Variants in MYO5A observed in about 807,000 individuals in gnomAD.
MYO5A encodes the protein myosin VA, also known as unconventional myosin-Va.
MYO5A carries 98 observed loss-of-function variants against 249.7 expected under a neutral mutation model. That is an observed-to-expected ratio of 0.39 (90% CI 0.33 to 0.46). The LOEUF (loss-of-function observed/expected upper bound fraction) is 0.46, where lower values mean the gene tolerates loss of function less well. Ranked by LOEUF, MYO5A falls within the 20% of genes least tolerant of loss-of-function variation. MYO5A has a pLI of 0.98. For missense variants in MYO5A, 1,696 were observed against 2,308.8 expected, an observed-to-expected ratio of 0.73 and a Z score of 5.44; for synonymous variants, 778 against 810.6, an observed-to-expected ratio of 0.96 and a Z score of 0.68.
In MYO5A at chr15:52,425,933, T is replaced by C. The variant is rs1318642737; in HGVS notation, c.352A>G (p.Ile118Val). Residue 118 changes from isoleucine to valine, a missense_variant, in exon 4 of 42, where the codon ATT becomes GTT. By Grantham distance (29) the Ile-to-Val change is conservative. Around this residue, in one of 5 missense-constraint regions of MYO5A, gnomAD observed 197 missense variants for 320.3 expected, o/e 0.62. Coordinates refer to ENST00000399233, the MANE Select transcript of MYO5A (RefSeq NM_001382347.1). ...GCATTAATAATATCTTCTCCATAAA[T>C]AGGCAGCTGTTCATAGGGATTTATA... ...VAINPYEQLP[I>V]YGEDIINAYS... 4 of 1,612,922 alleles carry C rather than the reference T, an allele frequency of 2.5e-6. No individual in the cohort carries two copies. The highest frequency in any genetic ancestry group is 1.7e-5 in the Admixed American group (1 of 59,998).
rs765440836 is a variant in MYO5A, at chr15:52,314,114, A to T, written c.5490+9T>A. ...TTGGTGAATCAAAGAAGAAGATGGG[A>T]GCTCTTACCTGTATAGTACGAATGA... On this transcript the variant is annotated intron_variant, in intron 41 of 41. Transcript: ENST00000399233. 1 of 1,591,150 alleles carries T rather than the reference A, an allele frequency of 6.3e-7. No individual in the cohort carries two copies. Among genetic ancestry groups the T allele is most frequent in the East Asian group, 2.2e-5 (1 of 44,770 alleles).
At chr15:52,499,825 T>G (rs2077116436) in intron 1 of MYO5A, among the ~76,000 whole-genome samples, 1 of 152,204 alleles carries the variant, frequency 6.6e-6, no homozygotes. Flanking sequence ...AGACCTTGCT[T>G]TGAATTCTTT....
At chr15:52,470,842 G>A (rs2076449023) in intron 1 of MYO5A, among the ~76,000 whole-genome samples, 1 of 151,860 alleles carries the variant, frequency 6.6e-6, no homozygotes, top group Non-Finnish European at 1.5e-5. Context: ...GGCCAACATG[G>A]TGAAACCCCA....
At chr15:52,323,527 C>A in intron 36 of MYO5A, 83 bp from the exon 37 acceptor site, 1 of 932,946 alleles carries the variant, frequency 1.1e-6, no homozygotes, top group Non-Finnish European at 1.7e-6. Flanking sequence ...CCAAAAGACC[C>A]ATTTCTTTCA....
In MYO5A at chr15:52,307,346, C is replaced by T. The variant is rs567141928; in HGVS notation, c.*6350G>A. On this transcript the variant is annotated 3_prime_UTR_variant, in exon 42 of 42. Transcript: ENST00000399233. ...AGCTAGGAGAATACAGCATTAATGA[C>T]ACACATTTACTAAGCACAACAATGG... is the stretch of plus-strand genomic sequence containing the variant. The T allele has an allele frequency of 1.3e-5, 2 of 150,660 alleles. No homozygotes were observed. Among genetic ancestry groups the T allele is most frequent in the African/African-American group, 4.8e-5 (2 of 41,382 alleles). 9.3% of individuals were successfully genotyped at this position (150,660 alleles called of 1,614,324 possible).
rs1330231256 is a variant in MYO5A, at chr15:52,528,846, G to A, written c.-40C>T. ...GCCTACGCCCCCCGCCTGTGCGGAG[G>A]CCGCACCTCGCCTGGGCGGCCGCCC... On this transcript the variant is annotated 5_prime_UTR_variant, in exon 1 of 42. Coordinates refer to ENST00000399233, the MANE Select transcript of MYO5A (RefSeq NM_001382347.1). 4 of 1,449,234 alleles carry A rather than the reference G, an allele frequency of 2.8e-6. No homozygotes were observed. Among genetic ancestry groups the A allele is most frequent in the Admixed American group, 2.5e-5 (1 of 39,356 alleles). The allele number at this position is 1,449,234 out of a possible 1,614,324, so 89.8% of individuals were successfully genotyped here.
chr15:52,338,219 CT>C (rs1256129227), intron 32 of MYO5A, among the ~76,000 whole-genome samples: 1 of 133,942 alleles, frequency 7.5e-6, no homozygotes, highest in Admixed American at 8.0e-5. Context: ...TCACAACTTG[CT>C]GCACTTTTTT....
intron 34 of MYO5A, among the ~76,000 whole-genome samples, chr15:52,333,212 G>A (rs566666129): frequency 1.6e-3 from 248 of 152,244 alleles, no homozygotes; most frequent in South Asian, 8.7e-3. Flanking sequence ...AGGGACTGAG[G>A]AGCCCAATGA....
intron 1 of MYO5A, among the ~76,000 whole-genome samples, chr15:52,441,648 C>A (rs979882075): frequency 3.3e-5 from 5 of 152,198 alleles, no homozygotes; most frequent in African/African-American, 9.7e-5. Flanking sequence ...ATTTATTCCT[C>A]AATTCTGTGT....
chr15:52,464,945 T>C (rs1251116126), intron 1 of MYO5A, among the ~76,000 whole-genome samples: 1 of 152,194 alleles, frequency 6.6e-6, no homozygotes, highest in South Asian at 2.1e-4. Flanking sequence ...ATACACATAA[T>C]TGCTTCCAAA....
At chr15:52,418,645 T>C (rs1316389914) in intron 4 of MYO5A, among the ~76,000 whole-genome samples, 2 of 151,860 alleles carry the variant, frequency 1.3e-5, no homozygotes, top group African/African-American at 4.8e-5. Flanking sequence ...AACCAGGTTC[T>C]GTGAGAATAA....
chr15:52,331,055 C>T (rs532988114), intron 34 of MYO5A, among the ~76,000 whole-genome samples: 4 of 152,266 alleles, frequency 2.6e-5, no homozygotes, highest in African/African-American at 9.6e-5. Flanking sequence ...TTCTTCATAC[C>T]ACTTGGTCCA....
chr15:52,472,624 T>C (rs552981179), intron 1 of MYO5A, among the ~76,000 whole-genome samples: 44 of 152,328 alleles, frequency 2.9e-4, no homozygotes, highest in African/African-American at 1.0e-3. Flanking sequence ...TTCCCACCTA[T>C]GAGTGAGAAC....
intron 1 of MYO5A, among the ~76,000 whole-genome samples, chr15:52,487,194 T>A (rs541631967): frequency 1.3e-5 from 2 of 152,102 alleles, no homozygotes; most frequent in African/African-American, 2.4e-5. Context: ...GGTGGGAGGA[T>A]CGCATGAGTC....
chr15:52,465,477 A>G (rs1192418869), intron 1 of MYO5A, among the ~76,000 whole-genome samples: 1 of 152,088 alleles, frequency 6.6e-6, no homozygotes, highest in Non-Finnish European at 1.5e-5. Context: ...ATACAGGGTG[A>G]CCAAAAATAT....
chr15:52,326,731 A>AT lies in MYO5A; in HGVS notation c.4710+1120dup, dbSNP rs199662491. ...TTTTATGTTATGTATGTTTTACCTA[A>AT]TTTTTTTTTAAGTTCATAAAAGAAG... is the stretch of plus-strand genomic sequence containing the variant. On this transcript the variant is annotated intron_variant, in intron 36 of 41. Transcript: ENST00000399233. Among the ~76,000 whole-genome samples, 25 of 151,868 alleles carry AT rather than the reference A, an allele frequency of 1.6e-4. 1 individual carries two copies. The East Asian group carries it at 4.4e-3, about 27-fold the overall frequency.
intron 1 of MYO5A, among the ~76,000 whole-genome samples, chr15:52,477,086 C>T (rs1280054197): frequency 6.6e-6 from 1 of 152,144 alleles, no homozygotes; most frequent in Non-Finnish European, 1.5e-5. Flanking sequence ...GAGGCTTTGT[C>T]ATTTCTTTTT....
chr15:52,396,503 C>T (rs186171882), intron 10 of MYO5A, 106 bp from the exon 11 acceptor site: 4 of 684,508 alleles, frequency 5.8e-6, no homozygotes. Flanking sequence ...CATTCCCCAA[C>T]ATTGTAAAAC....
chr15:52,410,129 G>C (rs755177797), intron 6 of MYO5A, among the ~76,000 whole-genome samples: 19 of 152,150 alleles, frequency 1.2e-4, no homozygotes, highest in African/African-American at 4.3e-4. Context: ...AAAGTGACCA[G>C]TCCCAAAAAC....
Sources: allele counts gnomAD v4.1 joint callset (sites outside exome capture counted in the v4.1 genomes callset), GRCh38; gene constraint gnomAD v4.1.1; regional missense constraint gnomAD v4.1.1; transcripts MANE v1.5; gene names NCBI Gene and HGNC (gene_info 2026-07-23, HGNC 2026-07-21).